The following SYNGR1 variants were observed in gnomAD, a reference collection of about 807,000 sequenced individuals.
SYNGR1 encodes synaptogyrin 1, also known as synaptogyrin-1.
In SYNGR1, 14 loss-of-function variants were observed where a neutral mutation model predicts 26.1. The observed-to-expected ratio is 0.54, with a 90% CI of 0.35 to 0.84. The LOEUF is 0.84. Among genes scored for constraint, SYNGR1 ranks in the 40% least tolerant of loss-of-function variants. The pLI, the probability that SYNGR1 is intolerant of heterozygous loss-of-function variation, is 0.01. For synonymous variants in SYNGR1, 141 were observed against 150.1 expected (o/e 0.94, Z 0.44); for missense variants, 319 against 332.9 (o/e 0.96, Z 0.33).
chr22:39,352,747 C>A (rs780352212), intron 1 of SYNGR1, among the ~76,000 whole-genome samples: 4 of 152,158 alleles, frequency 2.6e-5, no homozygotes, highest in African/African-American at 7.2e-5. Context: ...TCTGAGAGGC[C>A]CTTAGTCCAG....
intron 1 of SYNGR1, chr22:39,364,208 AGTTTGG>A (rs1173156231): frequency 6.2e-7 from 1 of 1,613,286 alleles, no homozygotes; most frequent in South Asian, 1.1e-5. Context: ...TTGACCTTAG[AGTTTGG>A]GATTCTGGAA....
chr22:39,354,711 C>T (rs1330669784), intron 1 of SYNGR1, among the ~76,000 whole-genome samples: 1 of 152,066 alleles, frequency 6.6e-6, no homozygotes, highest in Non-Finnish European at 1.5e-5. Context: ...TGGTGGCGGT[C>T]GCCTGTTATC....
Position 39,382,011 on chromosome 22 carries a change from C to A in SYNGR1, c.*97C>A. 1 of 1,354,876 alleles carries A rather than the reference C, an allele frequency of 7.4e-7. No individual in the cohort carries two copies. Among genetic ancestry groups the A allele is most frequent in the Non-Finnish European group, 1.0e-6 (1 of 982,640 alleles). 83.9% of individuals were successfully genotyped at this position (1,354,876 alleles called of 1,614,324 possible). The stretch of plus-strand genomic sequence containing the variant: ...CAGGCTGCCCTGCCCAGCGCCTCAT[C>A]AGCCTCTGCCTTGTCCCACTGAGGT... On this transcript the variant is annotated 3_prime_UTR_variant, in exon 4 of 4. Transcript: ENST00000328933.
In SYNGR1 at chr22:39,361,524, AT is replaced by A. The variant is rs539254660; in HGVS notation, c.99+11423del. On this transcript the variant is annotated intron_variant, in intron 1 of 3. Transcript: ENST00000328933. The stretch of plus-strand genomic sequence containing the variant: ...AGGCATCCACCACCATGCCTGGCTA[AT>A]TTTTTTTGTATTTTTAGTAGAGATG... Among the ~76,000 whole-genome samples, 72 of 151,350 alleles carry A rather than the reference AT, an allele frequency of 4.8e-4. 1 individual carries two copies. In the South Asian group the frequency reaches 0.013, roughly 27 times the overall value.
chr22:39,359,216 C>T (rs1924336853), intron 1 of SYNGR1, among the ~76,000 whole-genome samples: 2 of 151,940 alleles, frequency 1.3e-5, no homozygotes, highest in African/African-American at 4.8e-5. Flanking sequence ...CTTCTGGTTC[C>T]TGAGGCCACT....
In SYNGR1 at chr22:39,383,336, A is replaced by C. The variant is rs1257577425; in HGVS notation, c.*1422A>C. ...TGACACAGGCAAGAGCCCCTGAGGC[A>C]TGGGAGGCCCAGGGAAGACCATGGG... On this transcript the variant is annotated 3_prime_UTR_variant, in exon 4 of 4. Transcript: ENST00000328933. 1 of 152,466 alleles carries C rather than the reference A, an allele frequency of 6.6e-6. No individual in the cohort carries two copies. Among genetic ancestry groups the C allele is most frequent in the African/African-American group, 2.4e-5 (1 of 41,456 alleles). 9.4% of individuals were successfully genotyped at this position (152,466 alleles called of 1,614,324 possible). A position where few individuals can be genotyped will look rare whatever the true frequency, so the allele number is the denominator to read the frequency against.
At position 39,368,049 on chromosome 22, in the gene SYNGR1, G is replaced by A. The variant is rs1165254271; in HGVS notation, c.100-6267G>A. 3.3e-5 allele frequency among the ~76,000 whole-genome samples: 5 copies of A among 152,208 alleles called. No individual in the cohort carries two copies. The East Asian group carries it at 7.7e-4, about 24-fold the overall frequency. ...GCCTGGCTCATTCTTGTCTCCAATC[G>A]GAGGCCCTGCTTCAGGGCCCTTTTC... On this transcript the variant is annotated intron_variant, in intron 1 of 3. Coordinates refer to ENST00000328933, the MANE Select transcript of SYNGR1 (RefSeq NM_004711.5).
chr22:39,379,371 T>C (rs1007223728), intron 3 of SYNGR1, among the ~76,000 whole-genome samples: 2 of 152,354 alleles, frequency 1.3e-5, no homozygotes, highest in Non-Finnish European at 2.9e-5. Flanking sequence ...TGGTGGCTCA[T>C]GCCTGTGATC....
chr22:39,363,471 C>T (rs1336393873), intron 1 of SYNGR1, among the ~76,000 whole-genome samples: 3 of 151,882 alleles, frequency 2.0e-5, no homozygotes, highest in Non-Finnish European at 4.4e-5. Context: ...GCCCGAATGT[C>T]AGACTGGTTG....
intron 1 of SYNGR1, among the ~76,000 whole-genome samples, chr22:39,356,212 A>G (rs1196408585): frequency 3.2e-5 from 2 of 63,018 alleles, no homozygotes; most frequent in Non-Finnish European, 6.2e-5. Context: ...CCGCCACCAC[A>G]CCCGGCTAAT....
chr22:39,378,022 A>G (rs1157356445), intron 3 of SYNGR1: 22 of 1,201,386 alleles, frequency 1.8e-5, no homozygotes, highest in East Asian at 5.5e-5. Context: ...ACAGCCGTGG[A>G]CAGTTACCAG....
intron 1 of SYNGR1, chr22:39,364,444 C>G: frequency 7.3e-7 from 1 of 1,362,546 alleles, no homozygotes; most frequent in Non-Finnish European, 1.0e-6. Context: ...ATTTAGGTGC[C>G]TTCTTCCATT....
In SYNGR1 at chr22:39,384,406, A is replaced by T. The variant is rs1443661367; in HGVS notation, c.*2492A>T. On this transcript the variant is annotated 3_prime_UTR_variant, in exon 4 of 4. Coordinates refer to ENST00000328933, the MANE Select transcript of SYNGR1 (RefSeq NM_004711.5). ...TGGGGGGTGCTGAGTCATCTCACGA[A>T]GAATCCCTCACTCTTCCCGGGTTCA... The T allele has an allele frequency of 5.0e-6, 2 of 397,706 alleles. No homozygotes were observed. The highest frequency in any genetic ancestry group is 8.8e-6 in the Non-Finnish European group (2 of 226,002). 24.6% of individuals were successfully genotyped at this position (397,706 alleles called of 1,614,324 possible). A position where few individuals can be genotyped will look rare whatever the true frequency, so the allele number is the denominator to read the frequency against.
Position 39,369,835 on chromosome 22 carries a change from A to G in SYNGR1, c.100-4481A>G, listed in dbSNP as rs1346178249. Among the ~76,000 whole-genome samples, 9 of 152,320 alleles carry G rather than the reference A, an allele frequency of 5.9e-5. No homozygotes were observed. In the East Asian group the frequency reaches 1.7e-3, roughly 29 times the overall value. On this transcript the variant is annotated intron_variant, in intron 1 of 3. Coordinates refer to ENST00000328933, the MANE Select transcript of SYNGR1 (RefSeq NM_004711.5). Reference sequence around the variant, plus strand: ...GGGTTTTCCCAAATCAGGACTGGCAAATGGTGGCTCACGGGCCACCACTGC... The same window carrying G: ...GGGTTTTCCCAAATCAGGACTGGCAGATGGTGGCTCACGGGCCACCACTGC...
chr22:39,357,450 C>G (rs1924195095), intron 1 of SYNGR1, among the ~76,000 whole-genome samples: 1 of 152,176 alleles, frequency 6.6e-6, no homozygotes, highest in Non-Finnish European at 1.5e-5. Flanking sequence ...TTGAGGAGCC[C>G]TTCAGCCCAC....
Position 39,373,134 on chromosome 22 carries a change from T to A in SYNGR1, c.100-1182T>A, listed in dbSNP as rs575436234. Among the ~76,000 whole-genome samples, 1,132 of 136,936 alleles carry A rather than the reference T, an allele frequency of 8.3e-3. 21 individuals are homozygous for A. The highest frequency in any genetic ancestry group is 0.033 in the African/African-American group (1,072 of 32,824). 89.8% of individuals were successfully genotyped at this position (136,936 alleles called of 152,430 possible). A position where few individuals can be genotyped will look rare whatever the true frequency, so the allele number is the denominator to read the frequency against. On this transcript the variant is annotated intron_variant, in intron 1 of 3. Coordinates refer to ENST00000328933, the MANE Select transcript of SYNGR1 (RefSeq NM_004711.5). ...GATTGTGTCTATTGTTATTTTCTAT[T>A]TAATACACACACACACACACACACA...
Position 39,365,988 on chromosome 22 carries a change from CTT to C in SYNGR1, c.100-8302_100-8301del, listed in dbSNP as rs777416803. On this transcript the variant is annotated intron_variant, in intron 1 of 3. Coordinates refer to ENST00000328933, the MANE Select transcript of SYNGR1 (RefSeq NM_004711.5). ...CGTGAGCCACCGCGCTCAGCCCCTT[CTT>C]TTTTTTTTTTTTTTTTTTTTTTTTT... Among the ~76,000 whole-genome samples the C allele has an allele frequency of 6.7e-4, 46 of 68,372 alleles. No individual in the cohort carries two copies. The South Asian group carries it at 0.019, about 28-fold the overall frequency. 44.9% of individuals were successfully genotyped at this position (68,372 alleles called of 152,430 possible). A position where few individuals can be genotyped will look rare whatever the true frequency, so the allele number is the denominator to read the frequency against.
intron 1 of SYNGR1, among the ~76,000 whole-genome samples, chr22:39,358,248 G>A (rs916836096): frequency 1.3e-5 from 2 of 151,716 alleles, no homozygotes; most frequent in Non-Finnish European, 2.9e-5. Context: ...TGATGGGGAC[G>A]TGGAGAACCT....
At position 39,382,115 on chromosome 22, in the gene SYNGR1, G is replaced by T; in HGVS notation, c.*201G>T. ...TATGTGCAAGTATATCCCAGGGCATGTGCCCCGCAGGGGCCTAGAGGGTGG... is the reference window on the plus strand; with the variant it reads ...TATGTGCAAGTATATCCCAGGGCATTTGCCCCGCAGGGGCCTAGAGGGTGG... On this transcript the variant is annotated 3_prime_UTR_variant, in exon 4 of 4. Coordinates refer to ENST00000328933, the MANE Select transcript of SYNGR1 (RefSeq NM_004711.5). 3.2e-6 allele frequency: 2 copies of T among 634,682 alleles called. No homozygotes were observed. Among genetic ancestry groups the T allele is most frequent in the Admixed American group, 2.7e-5 (1 of 37,568 alleles). 39.3% of individuals were successfully genotyped at this position (634,682 alleles called of 1,614,324 possible).
Sources: allele counts gnomAD v4.1 joint callset (sites outside exome capture counted in the v4.1 genomes callset), GRCh38; gene constraint gnomAD v4.1.1; transcripts MANE v1.5; gene names NCBI Gene and HGNC (gene_info 2026-07-23, HGNC 2026-07-21).